The following FARS2 variants were observed in gnomAD, a reference collection of about 807,000 sequenced individuals.
FARS2 encodes the protein phenylalanine--tRNA ligase, mitochondrial.
In FARS2, 40 loss-of-function variants were observed where a neutral mutation model predicts 46.4. That is an observed-to-expected ratio of 0.86 (90% CI 0.67 to 1.12). FARS2 has a LOEUF of 1.12. Ranked by LOEUF, FARS2 falls within the 50% of genes most tolerant of loss-of-function variation. The pLI, the probability that FARS2 is intolerant of heterozygous loss-of-function variation, is 0.00. For synonymous variants in FARS2, 234 were observed against 214.9 expected (o/e 1.09, Z -0.78); for missense variants, 513 against 567.9 (o/e 0.90, Z 0.98).
chr6:5,267,212 T>A lies in FARS2; in HGVS notation c.-22+5552T>A, dbSNP rs557294613. Among the ~76,000 whole-genome samples the A allele has an allele frequency of 4.6e-5, 7 of 152,172 alleles. No individual in the cohort carries two copies. The South Asian group carries it at 1.5e-3, about 32-fold the overall frequency. ...CATTGTAAAGGAAAGAAACCATCTT[T>A]TCATGCTACAAACCCCGACCACCAT... On this transcript the variant is annotated intron_variant, in intron 1 of 6. Transcript: ENST00000274680.
intron 6 of FARS2, among the ~76,000 whole-genome samples, chr6:5,742,011 G>C (rs984801652): frequency 6.6e-6 from 1 of 152,124 alleles, no homozygotes; most frequent in Non-Finnish European, 1.5e-5. Context: ...TATTTCCTCA[G>C]TCTCTCTCTC....
intron 4 of FARS2, among the ~76,000 whole-genome samples, chr6:5,491,535 C>T (rs928124516): frequency 2.0e-5 from 3 of 152,110 alleles, no homozygotes; most frequent in Admixed American, 6.5e-5. Flanking sequence ...AAACGTTTTC[C>T]GTATCATTAA....
chr6:5,753,819 T>A (rs1762072698), intron 6 of FARS2, among the ~76,000 whole-genome samples: 1 of 152,208 alleles, frequency 6.6e-6, no homozygotes. Context: ...ATAGTTTTAA[T>A]GAAAAGTGGC....
chr6:5,293,616 TATC>T (rs982625410), intron 1 of FARS2, among the ~76,000 whole-genome samples: 128 of 152,366 alleles, frequency 8.4e-4, no homozygotes, highest in African/African-American at 2.6e-3. Flanking sequence ...TATTTAATAA[TATC>T]ATAGATATTC....
chr6:5,585,657 T>C (rs1211129311), intron 5 of FARS2, among the ~76,000 whole-genome samples: 1 of 152,038 alleles, frequency 6.6e-6, no homozygotes, highest in Non-Finnish European at 1.5e-5. Context: ...TTTCCTTCCT[T>C]TTGTGGCTGA....
rs1431500425 is a variant in FARS2 at position 5,368,702 on chromosome 6, A to G, written c.132A>G (p.Gln44=). 1.2e-6 allele frequency: 2 copies of G among 1,614,138 alleles called. No homozygotes were observed. The highest frequency in any genetic ancestry group is 1.1e-5 in the South Asian group (1 of 91,080). The change falls in exon 2 of 7, where the codon CAA becomes CAG. Residue 44 remains glutamine (Q), a synonymous_variant. Coordinates refer to ENST00000274680, the MANE Select transcript of FARS2 (RefSeq NM_006567.5). ...CTCCTGCAGCAGAGTGTGCCACCCAAAGAGCTCCAGGCAGTGTGGTGGAGC... is the reference window on the plus strand; with the variant it reads ...CTCCTGCAGCAGAGTGTGCCACCCAGAGAGCTCCAGGCAGTGTGGTGGAGC... ...SRPPAAECAT[Q]RAPGSVVELL... is the part of the protein sequence containing the mutation.
At chr6:5,495,463 A>G (rs139214704) in intron 4 of FARS2, among the ~76,000 whole-genome samples, 132 of 152,300 alleles carry the variant, frequency 8.7e-4, no homozygotes, top group Non-Finnish European at 1.6e-3. Flanking sequence ...GTGAATTGGA[A>G]ATGGGAACAC....
intron 4 of FARS2, among the ~76,000 whole-genome samples, chr6:5,462,564 G>A (rs1275627868): frequency 6.6e-6 from 1 of 152,100 alleles, no homozygotes; most frequent in Non-Finnish European, 1.5e-5. Flanking sequence ...TTTTGTGTGT[G>A]ACATAAGGAA....
intron 6 of FARS2, among the ~76,000 whole-genome samples, chr6:5,711,322 A>G (rs1759142809): frequency 6.9e-6 from 1 of 145,230 alleles, no homozygotes. Context: ...ATGAATGAAG[A>G]GAGAAATCTC....
At chr6:5,604,636 A>G (rs193131581) in intron 5 of FARS2, among the ~76,000 whole-genome samples, 1 of 152,356 alleles carries the variant, frequency 6.6e-6, no homozygotes, top group Non-Finnish European at 1.5e-5. Flanking sequence ...AACATGCTGC[A>G]TTGAAAGTAG....
At chr6:5,361,142 T>C (rs1289261530) in intron 1 of FARS2, among the ~76,000 whole-genome samples, 1 of 152,210 alleles carries the variant, frequency 6.6e-6, no homozygotes, top group African/African-American at 2.4e-5. Flanking sequence ...CATGTGTTTA[T>C]AGGTAGGTGT....
At chr6:5,268,569 G>C (rs1765713477) in intron 1 of FARS2, among the ~76,000 whole-genome samples, 1 of 152,178 alleles carries the variant, frequency 6.6e-6, no homozygotes, top group Non-Finnish European at 1.5e-5. Flanking sequence ...CTATATCTCT[G>C]TTTTGGTAAC....
In FARS2 at chr6:5,635,166, T is replaced by G. The variant is rs1297312941; in HGVS notation, c.1217+21846T>G. On this transcript the variant is annotated intron_variant, in intron 6 of 6. Coordinates refer to ENST00000274680, the MANE Select transcript of FARS2 (RefSeq NM_006567.5). ...TTTGCACTGCCTGGTGCATAACAAGTGTCCAGTAAGTGTTATTGTTGATGG... is the reference window on the plus strand; with the variant it reads ...TTTGCACTGCCTGGTGCATAACAAGGGTCCAGTAAGTGTTATTGTTGATGG... 3.3e-5 allele frequency among the ~76,000 whole-genome samples: 5 copies of G among 152,204 alleles called. No individual in the cohort carries two copies. In the East Asian group the frequency reaches 9.6e-4, roughly 29 times the overall value.
At chr6:5,393,043 C>T (rs1760670428) in intron 2 of FARS2, among the ~76,000 whole-genome samples, 1 of 151,272 alleles carries the variant, frequency 6.6e-6, no homozygotes, top group Admixed American at 6.6e-5. Flanking sequence ...GGAATGTGTG[C>T]TGCATTTTGG....
chr6:5,766,837 C>T (rs1484126690), intron 6 of FARS2, among the ~76,000 whole-genome samples: 1 of 151,994 alleles, frequency 6.6e-6, no homozygotes, highest in African/African-American at 2.4e-5. Flanking sequence ...CCCTGGTAAC[C>T]ATCAGTCTGC....
At chr6:5,633,176 C>T (rs1338520899) in intron 6 of FARS2, among the ~76,000 whole-genome samples, 1 of 149,696 alleles carries the variant, frequency 6.7e-6, no homozygotes, top group Non-Finnish European at 1.5e-5. Context: ...GTTGCCCAGG[C>T]TGAACTTGAA....
chr6:5,350,907 G>A (rs812177), intron 1 of FARS2, among the ~76,000 whole-genome samples: 26,423 of 152,072 alleles, frequency 0.17, 3,806 homozygotes, highest in African/African-American at 0.4. Context: ...GGAGAGCTGG[G>A]GTTTCTTCTA....
At chr6:5,584,108 G>GACACACACACACACACAC (rs143867485) in intron 5 of FARS2, among the ~76,000 whole-genome samples, 8,644 of 122,716 alleles carry the variant, frequency 0.07, 583 homozygotes, top group African/African-American at 0.1. Flanking sequence ...TTCTCTCTCT[G>GACACACACACACACACAC]ACACACACAC....
At chr6:5,349,032 G>T (rs1449318910) in intron 1 of FARS2, among the ~76,000 whole-genome samples, 1 of 152,118 alleles carries the variant, frequency 6.6e-6, no homozygotes, top group Non-Finnish European at 1.5e-5. Context: ...AGAAAACTAT[G>T]TCTATTTGCA....
Sources: allele counts gnomAD v4.1 joint callset (sites outside exome capture counted in the v4.1 genomes callset), GRCh38; gene constraint gnomAD v4.1.1; transcripts MANE v1.5; gene names NCBI Gene and HGNC (gene_info 2026-07-23, HGNC 2026-07-21).